The following PPP1R15B variants were observed in gnomAD, a reference collection of about 807,000 sequenced individuals.
PPP1R15B encodes protein phosphatase 1, regulatory (inhibitor) subunit 15B.
Under a neutral mutation model 53.9 loss-of-function variants are expected in PPP1R15B, and 31 were observed. That is an observed-to-expected ratio of 0.58 (90% CI 0.43 to 0.78). The LOEUF is 0.78. Among genes scored for constraint, PPP1R15B ranks in the 30% least tolerant of loss-of-function variants. PPP1R15B has a pLI of 0.00. For missense variants in PPP1R15B, 928 were observed against 849.6 expected, an observed-to-expected ratio of 1.09 and a Z score of -1.15; for synonymous variants, 345 against 329.1, an observed-to-expected ratio of 1.05 and a Z score of -0.52.
Position 204,403,448 on chromosome 1 carries a change from T to C in PPP1R15B, c.*2644A>G, listed in dbSNP as rs1488430500. ...ATTAGTTATGTTATATACACAAATA[T>C]AATTTTAACTATAAAATCCCAACTA... On this transcript the variant is annotated 3_prime_UTR_variant, in exon 2 of 2. Transcript: ENST00000367188. 2.3e-5 allele frequency: 18 copies of C among 784,838 alleles called. No homozygotes were observed. Among genetic ancestry groups the C allele is most frequent in the Non-Finnish European group, 7.7e-6 (5 of 647,140 alleles). The allele number at this position is 784,838 out of a possible 1,614,324, so 48.6% of individuals were successfully genotyped here. A position where few individuals can be genotyped will look rare whatever the true frequency, so the allele number is the denominator to read the frequency against.
rs1156768481 is a variant in PPP1R15B, at chr1:204,409,640, G to C, written c.1772C>G (p.Pro591Arg). ...NEKGCRDSKT[P>R]SESIVAISEC... ...AGAAATGGCCACAATGGACTCAGAT[G>C]GGGTCTTTGAGTCACGACAGCCTTT... Residue 591 changes from proline (P) to arginine (R), a missense_variant, in exon 1 of 2, where the codon CCA (proline) becomes CGA (arginine). Physicochemically the swap from Pro to Arg is moderately radical, Grantham distance 103 (BLOSUM62 -2). Transcript: ENST00000367188. 6.2e-7 allele frequency: 1 copy of C among 1,614,128 alleles called. No homozygotes were observed. Among genetic ancestry groups the C allele is most frequent in the Non-Finnish European group, 8.5e-7 (1 of 1,180,020 alleles).
At position 204,404,226 on chromosome 1, in the gene PPP1R15B, A is replaced by G; in HGVS notation, c.*1866T>C. On this transcript the variant is annotated 3_prime_UTR_variant, in exon 2 of 2. Transcript: ENST00000367188. ...TAAAGTGGAGGTGCACAAAACACAC[A>G]GAATCCCAGCACTTTGAGAGGCCGA... is the stretch of plus-strand genomic sequence containing the variant. 3 of 985,280 alleles carry G rather than the reference A, an allele frequency of 3.0e-6. No individual in the cohort carries two copies. Among genetic ancestry groups the G allele is most frequent in the Non-Finnish European group, 3.6e-6 (3 of 829,876 alleles). The allele number at this position is 985,280 out of a possible 1,614,324, so 61.0% of individuals were successfully genotyped here. A position where few individuals can be genotyped will look rare whatever the true frequency, so the allele number is the denominator to read the frequency against.
downstream of PPP1R15B, among the ~76,000 whole-genome samples, chr1:204,401,027 C>G (rs1674171076): frequency 6.6e-6 from 1 of 152,190 alleles, no homozygotes; most frequent in Non-Finnish European, 1.5e-5. Context: ...ACCTAGTTTC[C>G]CCTGTCTCTC....
downstream of PPP1R15B, among the ~76,000 whole-genome samples, chr1:204,400,073 C>G (rs1441205040): frequency 6.6e-6 from 1 of 151,810 alleles, no homozygotes; most frequent in Non-Finnish European, 1.5e-5. Context: ...TAGTGAGACC[C>G]TGTCTCTACA....
At position 204,411,277 on chromosome 1, in the gene PPP1R15B, G is replaced by C; in HGVS notation, c.135C>G (p.Ser45=). The C allele has an allele frequency of 6.2e-7, 1 of 1,614,200 alleles. No homozygotes were observed. The highest frequency in any genetic ancestry group is 8.5e-7 in the Non-Finnish European group (1 of 1,180,036). The change falls in exon 1 of 2, where the codon TCC becomes TCG. Residue 45 remains serine (S), a synonymous_variant. Coordinates refer to ENST00000367188, the MANE Select transcript of PPP1R15B (RefSeq NM_032833.5). The stretch of plus-strand genomic sequence containing the variant: ...CAGAGGAAAGCAGTGTGGGGTTCCC[G>C]GAGTTTTCCGGGCCAAGAGGCGTCG... ...KFPTPLGPEN[S]GNPTLLSSAQ... is the part of the protein sequence containing the mutation.
Position 204,411,516 on chromosome 1 carries a change from G to T in PPP1R15B, c.-105C>A. On this transcript the variant is annotated 5_prime_UTR_variant, in exon 1 of 2. Transcript: ENST00000367188. Reference sequence around the variant, plus strand: ...AGAGTCTCGGCCTTGCCCAGCGGTGGCGTCGCTGCTCCAGGCCGATCTTCG... The same window carrying T: ...AGAGTCTCGGCCTTGCCCAGCGGTGTCGTCGCTGCTCCAGGCCGATCTTCG... 1 of 1,436,676 alleles carries T rather than the reference G, an allele frequency of 7.0e-7. No individual in the cohort carries two copies. Among genetic ancestry groups the T allele is most frequent in the Non-Finnish European group, 9.3e-7 (1 of 1,072,940 alleles). 89.0% of individuals were successfully genotyped at this position (1,436,676 alleles called of 1,614,324 possible). A position where few individuals can be genotyped will look rare whatever the true frequency, so the allele number is the denominator to read the frequency against.
chr1:204,401,509 G>C (rs1172104097), downstream of PPP1R15B, among the ~76,000 whole-genome samples: 2 of 152,020 alleles, frequency 1.3e-5, no homozygotes, highest in African/African-American at 4.8e-5. Flanking sequence ...AGGTACCCTG[G>C]GAAGCATTAT....
chr1:204,406,072 TAGGACTAC>T lies in PPP1R15B; in HGVS notation c.*12_*19del, dbSNP rs770942204. The T allele has an allele frequency of 5.6e-6, 9 of 1,613,282 alleles. No individual in the cohort carries two copies. In the East Asian group the frequency reaches 1.6e-4, roughly 28 times the overall value. ...CAGGTAAGAGGTAGTGTATGCTAGC[TAGGACTAC>T]AGGCTGCCAACTCAACATTGCTTGA... is the stretch of plus-strand genomic sequence containing the variant. On this transcript the variant is annotated 3_prime_UTR_variant, in exon 2 of 2. Coordinates refer to ENST00000367188, the MANE Select transcript of PPP1R15B (RefSeq NM_032833.5).
Position 204,403,967 on chromosome 1 carries a change from G to C in PPP1R15B, c.*2125C>G. 5.1e-6 allele frequency: 5 copies of C among 985,392 alleles called. No homozygotes were observed. The highest frequency in any genetic ancestry group is 6.0e-6 in the Non-Finnish European group (5 of 829,892). 61.0% of individuals were successfully genotyped at this position (985,392 alleles called of 1,614,324 possible). On this transcript the variant is annotated 3_prime_UTR_variant, in exon 2 of 2. Transcript: ENST00000367188. ...AACAATTTTCCAAAATCCAATGAAA[G>C]ATGTCTCATTATTTTCAAATACACA... is the stretch of plus-strand genomic sequence containing the variant.
chr1:204,397,458 G>A (rs549365375), downstream of PPP1R15B, among the ~76,000 whole-genome samples: 11 of 151,510 alleles, frequency 7.3e-5, no homozygotes, highest in South Asian at 2.1e-4. Flanking sequence ...CCCAGGACGC[G>A]GAGGTTACAG....
Position 204,403,549 on chromosome 1 carries a change from T to G in PPP1R15B, c.*2543A>C. On this transcript the variant is annotated 3_prime_UTR_variant, in exon 2 of 2. Coordinates refer to ENST00000367188, the MANE Select transcript of PPP1R15B (RefSeq NM_032833.5). ...CCCTAACTTTACCTTCCTTAAATTA[T>G]ACAAAAATAAAATCTGATAGTTTTG... is the stretch of plus-strand genomic sequence containing the variant. 2.0e-6 allele frequency: 2 copies of G among 979,808 alleles called. No homozygotes were observed. The highest frequency in any genetic ancestry group is 2.4e-6 in the Non-Finnish European group (2 of 824,430). The allele number at this position is 979,808 out of a possible 1,614,324, so 60.7% of individuals were successfully genotyped here. A position where few individuals can be genotyped will look rare whatever the true frequency, so the allele number is the denominator to read the frequency against.
Position 204,411,689 on chromosome 1 carries a change from A to C in PPP1R15B, c.-278T>G. 1 of 541,856 alleles carries C rather than the reference A, an allele frequency of 1.8e-6. No homozygotes were observed. Among genetic ancestry groups the C allele is most frequent in the Non-Finnish European group, 3.3e-6 (1 of 304,018 alleles). 33.6% of individuals were successfully genotyped at this position (541,856 alleles called of 1,614,324 possible). A position where few individuals can be genotyped will look rare whatever the true frequency, so the allele number is the denominator to read the frequency against. ...CTAGTCGGCTCGACGCTTCAACACC[A>C]TGGATAGGAGTCCCCCCACGGCCTC... On this transcript the variant is annotated 5_prime_UTR_variant, in exon 1 of 2. The change abolishes an upstream ATG in the 5' untranslated region. Transcript: ENST00000367188.
chr1:204,406,789 A>G (rs550565658), intron 1 of PPP1R15B, among the ~76,000 whole-genome samples: 211 of 152,214 alleles, frequency 1.4e-3, no homozygotes, highest in African/African-American at 4.9e-3. Context: ...GCATTTGGAT[A>G]AAATAGTGAA....
In PPP1R15B at chr1:204,411,197, G is replaced by A. The variant is rs141363384; in HGVS notation, c.215C>T (p.Ala72Val). 6 of 1,614,214 alleles carry A rather than the reference G, an allele frequency of 3.7e-6. No individual in the cohort carries two copies. Among genetic ancestry groups the A allele is most frequent in the Non-Finnish European group, 5.1e-6 (6 of 1,180,038 alleles). ...CTTCTGAAGCAATCCGGGGAGCGGC[G>A]CAAGGAGCTGGGAGAGCAGTTTCGT... The part of the protein sequence containing the change: ...YWTKLLSQLL[A>V]PLPGLLQKVL... Residue 72 changes from alanine (A) to valine (V), a missense_variant, in exon 1 of 2, where the codon GCG (alanine) becomes GTG (valine). Physicochemically the swap from Ala to Val is moderately conservative, Grantham distance 64. Coordinates refer to ENST00000367188, the MANE Select transcript of PPP1R15B (RefSeq NM_032833.5).
Position 204,410,956 on chromosome 1 carries a change from C to T in PPP1R15B, c.456G>A (p.Ser152=). Reference sequence around the variant, plus strand: ...TAAGCTCCAATTTTAGGTCTGGGGGCGAGTATTGCCAGTGGATCCCCTCCT... The same window carrying T: ...TAAGCTCCAATTTTAGGTCTGGGGGTGAGTATTGCCAGTGGATCCCCTCCT... ...WLEEGIHWQY[S]PPDLKLELKA... Residue 152 remains serine, a synonymous_variant, in exon 1 of 2, where the codon TCG becomes TCA. Coordinates refer to ENST00000367188, the MANE Select transcript of PPP1R15B (RefSeq NM_032833.5). 1 of 1,614,030 alleles carries T rather than the reference C, an allele frequency of 6.2e-7. No homozygotes were observed. The highest frequency in any genetic ancestry group is 8.5e-7 in the Non-Finnish European group (1 of 1,179,980).
At position 204,410,893 on chromosome 1, in the gene PPP1R15B, A is replaced by G; in HGVS notation, c.519T>C (p.Ala173=). The part of the protein sequence containing the change: ...KGSALDPAAQ[A]FLLEQQLWGV... ...CCCACAGCTGCTGCTCTAAGAGAAA[A>G]GCCTGTGCTGCAGGGTCCAAAGCAC... Residue 173 remains alanine (A), a synonymous_variant, in exon 1 of 2, where the codon GCT becomes GCC. Coordinates refer to ENST00000367188, the MANE Select transcript of PPP1R15B (RefSeq NM_032833.5). The G allele has an allele frequency of 6.2e-7, 1 of 1,614,100 alleles. No individual in the cohort carries two copies. The highest frequency in any genetic ancestry group is 8.5e-7 in the Non-Finnish European group (1 of 1,179,992).
In PPP1R15B at chr1:204,411,257, G is replaced by C. The variant is rs747727040; in HGVS notation, c.155C>G (p.Ser52Cys). ...PENSGNPTLL[S>C]SAQPETRVSY... ...GACCCGAGTCTCGGGCTGGGCAGAGGAAAGCAGTGTGGGGTTCCCGGAGTT... is the reference window on the plus strand; with the variant it reads ...GACCCGAGTCTCGGGCTGGGCAGAGCAAAGCAGTGTGGGGTTCCCGGAGTT... The change falls in exon 1 of 2, where the codon TCC becomes TGC. Residue 52 changes from serine (S) to cysteine (C), a missense_variant. Ser to Cys is a moderately radical substitution (Grantham distance 112, BLOSUM62 -1). Transcript: ENST00000367188. The C allele has an allele frequency of 8.1e-6, 13 of 1,614,152 alleles. No individual in the cohort carries two copies. Among genetic ancestry groups the C allele is most frequent in the African/African-American group, 1.3e-5 (1 of 74,954 alleles).
chr1:204,404,775 A>G lies in PPP1R15B; in HGVS notation c.*1317T>C, dbSNP rs1437265934. 2 of 985,770 alleles carry G rather than the reference A, an allele frequency of 2.0e-6. No individual in the cohort carries two copies. Among genetic ancestry groups the G allele is most frequent in the Non-Finnish European group, 2.4e-6 (2 of 829,936 alleles). The allele number at this position is 985,770 out of a possible 1,614,324, so 61.1% of individuals were successfully genotyped here. On this transcript the variant is annotated 3_prime_UTR_variant, in exon 2 of 2. Coordinates refer to ENST00000367188, the MANE Select transcript of PPP1R15B (RefSeq NM_032833.5). ...TTACCTGTGACAGGAAGCACACGGA[A>G]TGAAAGCAGACCACGGAAGGGTTAA...
Position 204,411,674 on chromosome 1 carries a change from C to G in PPP1R15B, c.-263G>C. 1.8e-6 allele frequency: 1 copy of G among 568,176 alleles called. No individual in the cohort carries two copies. Among genetic ancestry groups the G allele is most frequent in the Non-Finnish European group, 3.1e-6 (1 of 319,280 alleles). 35.2% of individuals were successfully genotyped at this position (568,176 alleles called of 1,614,324 possible). ...GGGGAAGGAGGTTCCCTAGTCGGCT[C>G]GACGCTTCAACACCATGGATAGGAG... On this transcript the variant is annotated 5_prime_UTR_variant, in exon 1 of 2. Coordinates refer to ENST00000367188, the MANE Select transcript of PPP1R15B (RefSeq NM_032833.5).
Sources: allele counts gnomAD v4.1 joint callset (sites outside exome capture counted in the v4.1 genomes callset), GRCh38; gene constraint gnomAD v4.1.1; transcripts MANE v1.5; gene names NCBI Gene and HGNC (gene_info 2026-07-23, HGNC 2026-07-21).